Variants in SRC observed in about 807,000 individuals in gnomAD.
The protein encoded by SRC is SRC proto-oncogene, non-receptor tyrosine kinase, also known as proto-oncogene tyrosine-protein kinase Src.
A neutral mutation model predicts 62.9 loss-of-function variants in SRC; 13 were observed. The ratio of observed to expected loss-of-function variants is 0.21; its 90% CI spans 0.13 to 0.33. The LOEUF (loss-of-function observed/expected upper bound fraction) is 0.33, where lower values mean the gene tolerates loss of function less well. Among genes scored for constraint, SRC ranks in the 10% least tolerant of loss-of-function variants. The probability of loss-of-function intolerance (pLI) is 1.00; values close to 1 mark genes in which losing one functional copy is unlikely to be tolerated. For synonymous variants in SRC, 302 were observed against 317.5 expected (o/e 0.95, Z 0.52); for missense variants, 457 against 737.3 (o/e 0.62, Z 4.40).
intron 2 of SRC, among the ~76,000 whole-genome samples, chr20:37,381,527 A>C (rs1450990369): frequency 6.6e-6 from 1 of 152,166 alleles, no homozygotes; most frequent in Non-Finnish European, 1.5e-5. Context: ...TTTTTAAAAA[A>C]ATTTTTACTT....
chr20:37,367,095 A>ATTTT (rs770197409), intron 2 of SRC, among the ~76,000 whole-genome samples: 1 of 125,392 alleles, frequency 8.0e-6, no homozygotes. Flanking sequence ...TGTGGTTTTG[A>ATTTT]TTTTTTTTTT....
chr20:37,355,211 G>A (rs556270959), intron 1 of SRC, among the ~76,000 whole-genome samples: 29 of 152,266 alleles, frequency 1.9e-4, no homozygotes, highest in Non-Finnish European at 3.2e-4. Context: ...TGTGTTTGAA[G>A]CCTCGGGAGC....
chr20:37,369,745 G>A (rs561379553), intron 2 of SRC, among the ~76,000 whole-genome samples: 5 of 151,734 alleles, frequency 3.3e-5, no homozygotes, highest in Admixed American at 1.3e-4. Context: ...GTCTTTTACC[G>A]TTAAGTAGGA....
rs368259648 is a variant in SRC, at chr20:37,382,111, G to A, written c.-172-508G>A. Among the ~76,000 whole-genome samples, 130 of 152,282 alleles carry A rather than the reference G, an allele frequency of 8.5e-4. 1 individual carries two copies. The highest frequency in any genetic ancestry group is 3.0e-3 in the African/African-American group (125 of 41,546). The stretch of plus-strand genomic sequence containing the variant: ...GTCAGGGGGCCTTTTCCCCACTCAT[G>A]GGTTCTCAGAGGAAATTCTGGACCG... On this transcript the variant is annotated intron_variant, in intron 2 of 13. Coordinates refer to ENST00000373578, the MANE Select transcript of SRC (RefSeq NM_198291.3).
intron 2 of SRC, among the ~76,000 whole-genome samples, chr20:37,378,161 C>CTTTT (rs770833912): frequency 0.01 from 1,261 of 122,866 alleles, 38 homozygotes; most frequent in African/African-American, 0.038. Flanking sequence ...TCTTTCTTCT[C>CTTTT]TTTTTTTTTT....
At position 37,396,096 on chromosome 20, in the gene SRC, T is replaced by A. The variant is rs549125627; in HGVS notation, c.554-66T>A. 201 of 1,574,328 alleles carry A rather than the reference T, an allele frequency of 1.3e-4. No homozygotes were observed. The highest frequency in any genetic ancestry group is 1.8e-4 in the South Asian group (16 of 87,362). On this transcript the variant is annotated intron_variant, in intron 7 of 13. Transcript: ENST00000373578. The surrounding 1 kb of genome is among the most constrained non-coding windows in gnomAD (Gnocchi z 6.1). ...CCAATGTCAGGCAGGCACAGAACGGTGTCCAGAGCAGCGGCCTGCGGGGGG... is the reference window on the plus strand; with the variant it reads ...CCAATGTCAGGCAGGCACAGAACGGAGTCCAGAGCAGCGGCCTGCGGGGGG...
At chr20:37,347,483 G>A (rs1267428571) in intron 1 of SRC, among the ~76,000 whole-genome samples, 1 of 152,230 alleles carries the variant, frequency 6.6e-6, no homozygotes, top group African/African-American at 2.4e-5. Flanking sequence ...GCGTGTAGTA[G>A]ATGCTCAATA....
chr20:37,395,110 A>G (rs2070620725), intron 7 of SRC, among the ~76,000 whole-genome samples: 1 of 152,184 alleles, frequency 6.6e-6, no homozygotes, highest in Non-Finnish European at 1.5e-5. Flanking sequence ...TGGCTTCCAC[A>G]TGCACCCTCC....
At chr20:37,399,344 A>G (rs577898446) in intron 9 of SRC, among the ~76,000 whole-genome samples, 42 of 151,956 alleles carry the variant, frequency 2.8e-4, no homozygotes, top group African/African-American at 1.0e-3. Flanking sequence ...TCCAGAGGTG[A>G]CCTCTTGTTC....
chr20:37,394,078 CTG>C, intron 6 of SRC, 85 bp downstream of exon 6: 1 of 1,558,248 alleles, frequency 6.4e-7, no homozygotes, highest in African/African-American at 1.4e-5. Flanking sequence ...GGTGGGAGGT[CTG>C]GCTGTCCAGC....
At chr20:37,369,644 T>C (rs925833666) in intron 2 of SRC, among the ~76,000 whole-genome samples, 1 of 152,172 alleles carries the variant, frequency 6.6e-6, no homozygotes, top group African/African-American at 2.4e-5. Context: ...TCGTTCCTAA[T>C]TGTCCGGGCT....
In SRC at chr20:37,393,942, G is replaced by C; in HGVS notation, c.398G>C (p.Gly133Ala). The C allele has an allele frequency of 6.2e-7, 1 of 1,614,124 alleles. No homozygotes were observed. Among genetic ancestry groups the C allele is most frequent in the Non-Finnish European group, 8.5e-7 (1 of 1,180,040 alleles). Residue 133 changes from glycine to alanine, a missense_variant, in exon 6 of 14, where the codon GGC becomes GCC. Transcript: ENST00000373578. ...CACTCGCTCAGCACAGGACAGACAG[G>C]CTACATCCCCAGCAACTACGTGGCG... ...LAHSLSTGQTGYIPSNYVAPS... is the reference protein window; with the variant it reads ...LAHSLSTGQTAYIPSNYVAPS...
chr20:37,402,717 C>T lies in SRC; in HGVS notation c.1271-32C>T, dbSNP rs1601024281. On this transcript the variant is annotated intron_variant, in intron 12 of 13. Coordinates refer to ENST00000373578, the MANE Select transcript of SRC (RefSeq NM_198291.3). The surrounding 1 kb of genome is among the most constrained non-coding windows in gnomAD (Gnocchi z 6.2). ...TAGCAGAGCGGTCATGACAGGAGGT[C>T]AGAGCTGCCCTGACCTTTCTCGTTC... The T allele has an allele frequency of 1.9e-6, 3 of 1,592,950 alleles. No individual in the cohort carries two copies. Among genetic ancestry groups the T allele is most frequent in the Non-Finnish European group, 2.6e-6 (3 of 1,168,712 alleles).
At chr20:37,369,855 A>C (rs2070133517) in intron 2 of SRC, among the ~76,000 whole-genome samples, 1 of 150,974 alleles carries the variant, frequency 6.6e-6, no homozygotes, top group South Asian at 2.1e-4. Context: ...GCTGGAGTGC[A>C]GTGGTGCGAT....
At chr20:37,387,552 G>A (rs769520709) in intron 5 of SRC, among the ~76,000 whole-genome samples, 82 of 152,146 alleles carry the variant, frequency 5.4e-4, no homozygotes, top group Admixed American at 1.3e-3. Flanking sequence ...TGCTCTTGGC[G>A]GGGGGGTGGG....
At chr20:37,383,058 C>A (rs2070388391) in intron 3 of SRC, among the ~76,000 whole-genome samples, 1 of 152,244 alleles carries the variant, frequency 6.6e-6, no homozygotes, top group Non-Finnish European at 1.5e-5. Flanking sequence ...TGCCACACCC[C>A]ATGCTAGGCA....
chr20:37,400,785 G>A (rs2070725234), intron 10 of SRC, among the ~76,000 whole-genome samples: 1 of 152,050 alleles, frequency 6.6e-6, no homozygotes, highest in African/African-American at 2.4e-5. Context: ...TTAACAACTG[G>A]ATTTACTGTG....
intron 1 of SRC, among the ~76,000 whole-genome samples, chr20:37,353,628 C>T (rs1459860589): frequency 2.0e-5 from 3 of 152,116 alleles, no homozygotes; most frequent in African/African-American, 7.2e-5. Context: ...AGCAGCCTCG[C>T]GGGGTAGTGG....
At chr20:37,369,792 C>T (rs1326805518) in intron 2 of SRC, among the ~76,000 whole-genome samples, 1 of 151,294 alleles carries the variant, frequency 6.6e-6, no homozygotes, top group Non-Finnish European at 1.5e-5. Context: ...TTTTTCTTTT[C>T]TTTCTTTTCT....
Sources: allele counts gnomAD v4.1 joint callset (sites outside exome capture counted in the v4.1 genomes callset), GRCh38; gene constraint gnomAD v4.1.1; non-coding constraint Gnocchi (gnomAD v3.1); transcripts MANE v1.5; gene names NCBI Gene and HGNC (gene_info 2026-07-23, HGNC 2026-07-21).